The following DAPK1 variants were observed in gnomAD, a reference collection of about 807,000 sequenced individuals.
The protein encoded by DAPK1 is death-associated protein kinase 1.
A neutral mutation model predicts 144.9 loss-of-function variants in DAPK1; 56 were observed. The observed-to-expected ratio is 0.39, with a 90% CI of 0.31 to 0.48. The LOEUF is 0.48. Ranked by LOEUF, DAPK1 falls within the 20% of genes least tolerant of loss-of-function variation. The pLI is 0.95. For missense variants in DAPK1, 1,454 were observed against 1,875.4 expected, an observed-to-expected ratio of 0.78 and a Z score of 4.15; for synonymous variants, 690 against 749.0, an observed-to-expected ratio of 0.92 and a Z score of 1.29.
At chr9:87,670,782 G>A (rs11141938) in intron 19 of DAPK1, among the ~76,000 whole-genome samples, 39,746 of 152,090 alleles carry the variant, frequency 0.26, 7,554 homozygotes, top group African/African-American at 0.54. Flanking sequence ...GGGGCCAGGG[G>A]GACCTGCAGT....
Position 87,707,454 on chromosome 9 carries a change from G to A in DAPK1, c.*90G>A. On this transcript the variant is annotated 3_prime_UTR_variant, in exon 26 of 26. Transcript: ENST00000408954. This position sits in a 1 kb window ranked among gnomAD's most constrained non-coding sequence, Gnocchi z 4.0. Reference sequence around the variant, plus strand: ...CCTTCCCTTTGGAGATGCTGAGGGTGTTTCTTCCTGCACCCACAGCCAGGG... The same window carrying A: ...CCTTCCCTTTGGAGATGCTGAGGGTATTTCTTCCTGCACCCACAGCCAGGG... 3 of 877,204 alleles carry A rather than the reference G, an allele frequency of 3.4e-6. No homozygotes were observed. The South Asian group carries it at 5.2e-5, about 15-fold the overall frequency. The allele number at this position is 877,204 out of a possible 1,614,324, so 54.3% of individuals were successfully genotyped here. A position where few individuals can be genotyped will look rare whatever the true frequency, so the allele number is the denominator to read the frequency against.
intron 3 of DAPK1, among the ~76,000 whole-genome samples, chr9:87,608,913 C>T (rs912223503): frequency 2.6e-5 from 4 of 152,216 alleles, no homozygotes; most frequent in Non-Finnish European, 5.9e-5. Flanking sequence ...TGGTTACCTT[C>T]ATGTGTCAAC....
Position 87,639,383 on chromosome 9 carries a change from T to A in DAPK1, c.453T>A (p.Asn151Lys), listed in dbSNP as rs1255711123. Residue 151 changes from asparagine to lysine, a missense_variant, in exon 5 of 26, where the codon AAT (asparagine) becomes AAA (lysine). By Grantham distance (94) the Asn-to-Lys change is moderately conservative. Coordinates refer to ENST00000408954, the MANE Select transcript of DAPK1 (RefSeq NM_004938.4). Reference sequence around the variant, plus strand: ...AGAACATAATGCTTTTGGATAGAAATGTCCCCAAACCTCGGATCAAGATCA... The same window carrying A: ...AGAACATAATGCTTTTGGATAGAAAAGTCCCCAAACCTCGGATCAAGATCA... ...KPENIMLLDR[N>K]VPKPRIKIID... 1 of 1,611,192 alleles carries A rather than the reference T, an allele frequency of 6.2e-7. No homozygotes were observed. Among genetic ancestry groups the A allele is most frequent in the Non-Finnish European group, 8.5e-7 (1 of 1,179,276 alleles).
chr9:87,630,297 T>C (rs866967212), intron 3 of DAPK1, among the ~76,000 whole-genome samples: 1 of 152,226 alleles, frequency 6.6e-6, no homozygotes, highest in Admixed American at 6.5e-5. Context: ...TGTATTACAT[T>C]ATTACTTGTG....
intron 18 of DAPK1, among the ~76,000 whole-genome samples, chr9:87,662,567 T>TTTTTTTTTG (rs1564056356): frequency 1.5e-5 from 2 of 129,230 alleles, no homozygotes; most frequent in African/African-American, 5.8e-5. Context: ...CTAGTTTTTT[T>TTTTTTTTTG]TTTTTTTTTT....
At chr9:87,585,322 G>T (rs1420559509) in intron 2 of DAPK1, among the ~76,000 whole-genome samples, 1 of 152,144 alleles carries the variant, frequency 6.6e-6, no homozygotes, top group African/African-American at 2.4e-5. Context: ...CTGAACCAGT[G>T]GTTATACTAA....
At chr9:87,517,130 G>T (rs1167117780) in intron 2 of DAPK1, among the ~76,000 whole-genome samples, 2 of 152,104 alleles carry the variant, frequency 1.3e-5, no homozygotes, top group African/African-American at 2.4e-5. Context: ...GTGTAGGAGA[G>T]TGAAGAATGC....
intron 13 of DAPK1, 123 bp from the exon 14 acceptor site, chr9:87,647,182 G>A: frequency 5.2e-6 from 4 of 775,582 alleles, no homozygotes. Flanking sequence ...TTATTCCTCT[G>A]GGAAGTTGCT....
At chr9:87,523,563 G>T (rs997137944) in intron 2 of DAPK1, among the ~76,000 whole-genome samples, 2 of 152,182 alleles carry the variant, frequency 1.3e-5, no homozygotes, top group East Asian at 3.8e-4. Flanking sequence ...ACCTCCCAAA[G>T]TGTTGGGATT....
At chr9:87,683,517 G>A (rs79763936) in intron 20 of DAPK1, among the ~76,000 whole-genome samples, 4,493 of 152,250 alleles carry the variant, frequency 0.03, 179 homozygotes, top group East Asian at 0.14. Context: ...ATATGAGAGA[G>A]AGAGAGAGGT....
chr9:87,707,954 G>A lies in DAPK1; in HGVS notation c.*590G>A. The A allele has an allele frequency of 2.2e-6, 1 of 450,162 alleles. No homozygotes were observed. Among genetic ancestry groups the A allele is most frequent in the South Asian group, 1.6e-5 (1 of 63,060 alleles). 27.9% of individuals were successfully genotyped at this position (450,162 alleles called of 1,614,324 possible). On this transcript the variant is annotated 3_prime_UTR_variant, in exon 26 of 26. Transcript: ENST00000408954. The surrounding 1 kb of genome is among the most constrained non-coding windows in gnomAD (Gnocchi z 4.0). ...GGAGTCAGCCAGGAGCTGTCACCAAGGAAACGCTACCTCTCTGTCCCTTGC... is the reference window on the plus strand; with the variant it reads ...GGAGTCAGCCAGGAGCTGTCACCAAAGAAACGCTACCTCTCTGTCCCTTGC...
chr9:87,653,961 T>A lies in DAPK1; in HGVS notation c.1824+2237T>A, dbSNP rs1173900533. Among the ~76,000 whole-genome samples the A allele has an allele frequency of 6.6e-5, 10 of 152,324 alleles. No homozygotes were observed. The East Asian group carries it at 1.9e-3, about 29-fold the overall frequency. ...TGCCCGCTTCAGCCCCCCAATGTGC[T>A]GGGTTTACAGGCATGAGCCATCACA... On this transcript the variant is annotated intron_variant, in intron 17 of 25. Transcript: ENST00000408954.
chr9:87,686,675 C>T lies in DAPK1; in HGVS notation c.2349C>T (p.His783=). Residue 783 remains histidine, a synonymous_variant, in exon 21 of 26, where the codon CAC becomes CAT. Coordinates refer to ENST00000408954, the MANE Select transcript of DAPK1 (RefSeq NM_004938.4). This position sits in a 1 kb window ranked among gnomAD's most constrained non-coding sequence, Gnocchi z 4.2. The stretch of plus-strand genomic sequence containing the variant: ...AGGTGTTTGTGGCCCCGACCCACCA[C>T]CCGCACTGCTCGGCCGATGACCAGT... ...MLEVFVAPTH[H]PHCSADDQST... The T allele has an allele frequency of 5.6e-6, 9 of 1,613,262 alleles. No homozygotes were observed. Among genetic ancestry groups the T allele is most frequent in the Non-Finnish European group, 6.8e-6 (8 of 1,179,252 alleles).
At chr9:87,566,159 T>C (rs1827114727) in intron 2 of DAPK1, among the ~76,000 whole-genome samples, 1 of 152,030 alleles carries the variant, frequency 6.6e-6, no homozygotes, top group African/African-American at 2.4e-5. Flanking sequence ...TAGCTGGGAC[T>C]ACAGTCGCCC....
rs963776608 is a variant in DAPK1, at chr9:87,706,774, C to A, written c.3703C>A (p.His1235Asn). The A allele has an allele frequency of 1.2e-6, 2 of 1,613,522 alleles. No homozygotes were observed. The highest frequency in any genetic ancestry group is 1.7e-6 in the Non-Finnish European group (2 of 1,179,844). Residue 1235 changes from histidine (H) to asparagine (N), a missense_variant, in exon 26 of 26, where the codon CAT becomes AAT. Transcript: ENST00000408954. This position sits in a 1 kb window ranked among gnomAD's most constrained non-coding sequence, Gnocchi z 9.0. ...GCTGCCAGGGCTCCTGACCGTGAAG[C>A]ATTACCTGAGCCCCCAGCAGCTGCG... Reference protein sequence around the residue: ...TTLPGLLTVKHYLSPQQLREH... With the variant: ...TTLPGLLTVKNYLSPQQLREH...
chr9:87,522,280 G>A lies in DAPK1; in HGVS notation c.62+23141G>A, dbSNP rs191101814. ...AATATGTAATACATTCACACAGTTC[G>A]AAAGTCAAAGACAGTATCTTGCCCT... On this transcript the variant is annotated intron_variant, in intron 2 of 25. Coordinates refer to ENST00000408954, the MANE Select transcript of DAPK1 (RefSeq NM_004938.4). Among the ~76,000 whole-genome samples, 121 of 152,228 alleles carry A rather than the reference G, an allele frequency of 7.9e-4. 2 individuals are homozygous for A. In the East Asian group the frequency reaches 0.021, roughly 26 times the overall value.
intron 25 of DAPK1, among the ~76,000 whole-genome samples, chr9:87,704,233 A>G (rs1825555980): frequency 6.6e-6 from 1 of 152,246 alleles, no homozygotes; most frequent in South Asian, 2.1e-4. Context: ...ACCACATCTT[A>G]GATGACAAGA....
At chr9:87,516,079 A>G (rs1825042399) in intron 2 of DAPK1, among the ~76,000 whole-genome samples, 1 of 152,128 alleles carries the variant, frequency 6.6e-6, no homozygotes, top group Non-Finnish European at 1.5e-5. Flanking sequence ...CTCTGAAGGG[A>G]TGCAGATGAA....
chr9:87,626,252 C>T (rs1829484968), intron 3 of DAPK1, among the ~76,000 whole-genome samples: 1 of 152,116 alleles, frequency 6.6e-6, no homozygotes, highest in African/African-American at 2.4e-5. Context: ...CCTGTCTCAA[C>T]TAAACACAAA....
Sources: allele counts gnomAD v4.1 joint callset (sites outside exome capture counted in the v4.1 genomes callset), GRCh38; gene constraint gnomAD v4.1.1; non-coding constraint Gnocchi (gnomAD v3.1); transcripts MANE v1.5; gene names NCBI Gene and HGNC (gene_info 2026-07-23, HGNC 2026-07-21).